ADCY9: variants seen among roughly 807,000 people sequenced by gnomAD.
ADCY9 encodes the protein adenylate cyclase 9, also known as adenylate cyclase type 9.
Under a neutral mutation model 101.5 loss-of-function variants are expected in ADCY9, and 50 were observed. That is an observed-to-expected ratio of 0.49 (90% CI 0.39 to 0.62). The LOEUF is 0.62. ADCY9 is among the 20% of genes least tolerant of loss of function. The probability of loss-of-function intolerance (pLI) is 0.00; values close to 1 mark genes in which losing one functional copy is unlikely to be tolerated. For missense variants in ADCY9, 1,662 were observed against 1,800.4 expected, an observed-to-expected ratio of 0.92 and a Z score of 1.39; for synonymous variants, 905 against 769.3, an observed-to-expected ratio of 1.18 and a Z score of -2.92.
intron 2 of ADCY9, among the ~76,000 whole-genome samples, chr16:4,068,877 T>C (rs71388559): frequency 0.17 from 26,040 of 151,590 alleles, 2,417 homozygotes; most frequent in African/African-American, 0.24. Flanking sequence ...CGCAGATCTA[T>C]CTCATTCTTA....
chr16:4,095,614 A>ATG (rs1396142893), intron 2 of ADCY9, among the ~76,000 whole-genome samples: 1 of 152,202 alleles, frequency 6.6e-6, no homozygotes, highest in Non-Finnish European at 1.5e-5. Context: ...ACATTAAAAA[A>ATG]ATAATAATTA....
chr16:4,100,036 G>C (rs1356558497), intron 2 of ADCY9, among the ~76,000 whole-genome samples: 1 of 152,148 alleles, frequency 6.6e-6, no homozygotes, highest in Non-Finnish European at 1.5e-5. Flanking sequence ...TAATCCCCAT[G>C]TGTCGAGGGA....
At chr16:4,069,468 A>T (rs986060048) in intron 2 of ADCY9, among the ~76,000 whole-genome samples, 1 of 152,018 alleles carries the variant, frequency 6.6e-6, no homozygotes, top group Non-Finnish European at 1.5e-5. Context: ...CTTGGTGCCG[A>T]GTCTGACAGA....
intron 2 of ADCY9, among the ~76,000 whole-genome samples, chr16:4,036,466 T>G (rs113733861): frequency 2.6e-3 from 360 of 136,756 alleles, no homozygotes; most frequent in African/African-American, 9.0e-3. Context: ...TTGTTTGTTT[T>G]TTTTTTTTTT....
chr16:4,009,601 A>G (rs1049733586), intron 2 of ADCY9, among the ~76,000 whole-genome samples: 2 of 152,090 alleles, frequency 1.3e-5, no homozygotes, highest in Admixed American at 1.3e-4. Context: ...ACTTTTGTGC[A>G]TTTTTTTCTC....
intron 6 of ADCY9, 82 bp downstream of exon 6, chr16:3,988,912 A>T: frequency 1.8e-6 from 2 of 1,122,738 alleles, no homozygotes. Flanking sequence ...ATCCCTTGGT[A>T]AAGCACAAAA....
chr16:4,092,132 T>A (rs763140005), intron 2 of ADCY9, among the ~76,000 whole-genome samples: 15 of 152,072 alleles, frequency 9.9e-5, no homozygotes, highest in Non-Finnish European at 1.9e-4. Flanking sequence ...TAGACAGGTG[T>A]GGTGGCGGGT....
At chr16:4,020,986 G>A (rs2056472712) in intron 2 of ADCY9, among the ~76,000 whole-genome samples, 1 of 152,138 alleles carries the variant, frequency 6.6e-6, no homozygotes, top group Non-Finnish European at 1.5e-5. Flanking sequence ...CTAATTTAGA[G>A]CCTATATAAA....
At chr16:4,089,349 T>A (rs1363592947) in intron 2 of ADCY9, among the ~76,000 whole-genome samples, 1 of 152,088 alleles carries the variant, frequency 6.6e-6, no homozygotes, top group Non-Finnish European at 1.5e-5. Context: ...ACTGGGCATG[T>A]TTTCAGTATT....
At chr16:4,064,471 G>A (rs1030156905) in intron 2 of ADCY9, among the ~76,000 whole-genome samples, 2 of 152,016 alleles carry the variant, frequency 1.3e-5, no homozygotes, top group Non-Finnish European at 1.5e-5. Flanking sequence ...CCATAATAAA[G>A]TGTTGTTTTT....
rs917513730 is a variant in ADCY9, at chr16:4,115,946, C to A, written c.-300G>T. 1 of 349,534 alleles carries A rather than the reference C, an allele frequency of 2.9e-6. No homozygotes were observed. The allele number at this position is 349,534 out of a possible 1,614,324, so 21.7% of individuals were successfully genotyped here. A position where few individuals can be genotyped will look rare whatever the true frequency, so the allele number is the denominator to read the frequency against. On this transcript the variant is annotated 5_prime_UTR_variant, in exon 1 of 11. Transcript: ENST00000294016. The surrounding 1 kb of genome is among the most constrained non-coding windows in gnomAD (Gnocchi z 6.2). ...ATCCTGCAGGAGCCGCGCTCCGATG[C>A]GTCAAAGGCGGCGCGCGGCCGGCCC... is the stretch of plus-strand genomic sequence containing the variant.
At chr16:4,067,860 C>A (rs1339061730) in intron 2 of ADCY9, among the ~76,000 whole-genome samples, 2 of 152,146 alleles carry the variant, frequency 1.3e-5, no homozygotes, top group Non-Finnish European at 2.9e-5. Context: ...TCAGCAAAAT[C>A]CAATCTCTGA....
chr16:4,041,921 T>C (rs1416367209), intron 2 of ADCY9, among the ~76,000 whole-genome samples: 1 of 139,746 alleles, frequency 7.2e-6, no homozygotes, highest in African/African-American at 2.7e-5. Flanking sequence ...CCAGCTAAGT[T>C]TTTTTTTTTT....
At chr16:3,981,960 G>A (rs751948305) in intron 7 of ADCY9, 1 of 152,260 alleles carries the variant, frequency 6.6e-6, no homozygotes, top group Non-Finnish European at 1.5e-5. Context: ...AGGATGTCTG[G>A]TTTGGGTTCT....
At chr16:3,988,449 GGGGGTTCCCTTCCAGGGCAGGTGT>G (rs2056213818) in intron 6 of ADCY9, among the ~76,000 whole-genome samples, 1 of 147,702 alleles carries the variant, frequency 6.8e-6, no homozygotes, top group Non-Finnish European at 1.5e-5. Context: ...AGGGCAGGTG[GGGGGTTCCCTTCCAGGGCAGGTGT>G]GGGGGATTCC....
intron 2 of ADCY9, among the ~76,000 whole-genome samples, chr16:4,042,411 G>A (rs980669956): frequency 2.5e-4 from 38 of 151,908 alleles, no homozygotes; most frequent in Non-Finnish European, 4.9e-4. Flanking sequence ...CTTCTTCCCC[G>A]CCCCATTGTT....
At position 4,114,874 on chromosome 16, in the gene ADCY9, G is replaced by T; in HGVS notation, c.569C>A (p.Ala190Glu). The T allele has an allele frequency of 6.2e-7, 1 of 1,613,738 alleles. No individual in the cohort carries two copies. The change falls in exon 2 of 11, where the codon GCG becomes GAG. Residue 190 changes from alanine (A) to glutamate (E), a missense_variant. Coordinates refer to ENST00000294016, the MANE Select transcript of ADCY9 (RefSeq NM_001116.4). This position sits in a 1 kb window ranked among gnomAD's most constrained non-coding sequence, Gnocchi z 4.3. ...TLLVFALTLA[A>E]QFQVLTPVSG... Reference sequence around the variant, plus strand: ...GACAGGCGTCAAGACCTGGAACTGCGCAGCCAGGGTCAGGGCGAACACCAG... The same window carrying T: ...GACAGGCGTCAAGACCTGGAACTGCTCAGCCAGGGTCAGGGCGAACACCAG...
At chr16:3,958,673 C>CTTTTTTTTTT (rs1207846349), downstream of ADCY9, among the ~76,000 whole-genome samples, 197 of 102,998 alleles carry the variant, frequency 1.9e-3, 16 homozygotes, top group African/African-American at 4.4e-3. Context: ...TCGTCGGTTA[C>CTTTTTTTTTT]TTTTTTTTTT....
chr16:4,089,378 T>A (rs1334627234), intron 2 of ADCY9, among the ~76,000 whole-genome samples: 4 of 152,132 alleles, frequency 2.6e-5, no homozygotes, highest in Non-Finnish European at 4.4e-5. Flanking sequence ...TTGTCACATG[T>A]ATCAGAACTC....
Sources: allele counts gnomAD v4.1 joint callset (sites outside exome capture counted in the v4.1 genomes callset), GRCh38; gene constraint gnomAD v4.1.1; non-coding constraint Gnocchi (gnomAD v3.1); transcripts MANE v1.5; gene names NCBI Gene and HGNC (gene_info 2026-07-23, HGNC 2026-07-21).